Variants in FAAH2 observed in about 807,000 individuals in gnomAD.
The protein encoded by FAAH2 is fatty-acid amide hydrolase 2.
In FAAH2, 60 loss-of-function variants were observed where a neutral mutation model predicts 36.9. That is an observed-to-expected ratio of 1.63 (90% CI 1.32 to 2.02). The LOEUF (loss-of-function observed/expected upper bound fraction) is 2.02. Ranked by LOEUF, FAAH2 falls within the 30% of genes most tolerant of loss-of-function variation. The pLI, the probability that FAAH2 is intolerant of heterozygous loss-of-function variation, is 0.00. For synonymous variants in FAAH2, 214 were observed against 143.8 expected (o/e 1.49, Z -3.49); for missense variants, 689 against 397.5 (o/e 1.73, Z -6.23).
At chrX:57,171,955 T>C in the FAAH2 span, among the ~76,000 whole-genome samples, 1 of 112,181 alleles carries the variant, frequency 8.9e-6, no homozygotes, top group Admixed American at 9.4e-5. Flanking sequence ...AATCCAGTGT[T>C]ATTCTTCTGC....
At chrX:57,341,521 T>C in intron 5 of FAAH2, 131 bp downstream of exon 5, 1 of 779,638 alleles carries the variant, frequency 1.3e-6, no homozygotes, top group South Asian at 3.9e-5. Context: ...TAAATAAAAC[T>C]AGCTACTGTT....
chrX:57,300,858 A>G (rs1256601181), intron 2 of FAAH2, among the ~76,000 whole-genome samples: 1 of 112,418 alleles, frequency 8.9e-6, no homozygotes, highest in Non-Finnish European at 1.9e-5. Flanking sequence ...ACACATGAAA[A>G]AATGCTCATC....
intron 5 of FAAH2, among the ~76,000 whole-genome samples, chrX:57,366,519 G>T (rs750315304): frequency 8.9e-6 from 1 of 112,418 alleles, no homozygotes; most frequent in African/African-American, 3.2e-5. Context: ...ATGGGTGCAC[G>T]CCAGTGGGGC....
the FAAH2 span, among the ~76,000 whole-genome samples, chrX:57,164,316 C>G: frequency 8.9e-6 from 1 of 112,175 alleles, no homozygotes; most frequent in African/African-American, 3.2e-5. Context: ...AAAATTCTTT[C>G]TGCATCACCT....
intron 7 of FAAH2, among the ~76,000 whole-genome samples, chrX:57,385,074 G>T (rs2054978936): frequency 9.1e-6 from 1 of 110,076 alleles, no homozygotes; most frequent in South Asian, 4.0e-4. Flanking sequence ...GGTGGGAATT[G>T]TACAATGAGA....
In FAAH2 at chrX:57,427,422, A is replaced by G. The variant is rs777716403; in HGVS notation, c.997-4496A>G. Among the ~76,000 whole-genome samples the G allele has an allele frequency of 5.4e-5, 6 of 111,493 alleles. No homozygotes were observed. In the East Asian group the frequency reaches 1.7e-3, roughly 31 times the overall value. On this transcript the variant is annotated intron_variant, in intron 7 of 10. Transcript: ENST00000374900. Reference sequence around the variant, plus strand: ...GATGCCAGTATCACCTTATTAACAAAGCCACATATAAACATATGAAAATAG... The same window carrying G: ...GATGCCAGTATCACCTTATTAACAAGGCCACATATAAACATATGAAAATAG...
chrX:57,258,528 T>C, the FAAH2 span, among the ~76,000 whole-genome samples: 1 of 110,737 alleles, frequency 9.0e-6, no homozygotes, highest in East Asian at 2.8e-4. Flanking sequence ...TGAGATAATA[T>C]ATGTGTAAGC....
At chrX:57,390,414 G>A (rs185487709) in intron 7 of FAAH2, among the ~76,000 whole-genome samples, 4 of 111,212 alleles carry the variant, frequency 3.6e-5, no homozygotes, top group Admixed American at 1.9e-4. Flanking sequence ...TGAAGTTTGG[G>A]CTTCTAGTGT....
intron 7 of FAAH2, among the ~76,000 whole-genome samples, chrX:57,384,544 C>G (rs201979517): frequency 1.8e-5 from 2 of 111,247 alleles, no homozygotes; most frequent in Admixed American, 1.9e-4. Flanking sequence ...CAAAAGAAGA[C>G]ATTTATGCAG....
chrX:57,258,659 C>T, the FAAH2 span, among the ~76,000 whole-genome samples: 1 of 109,697 alleles, frequency 9.1e-6, no homozygotes, highest in African/African-American at 3.3e-5. Flanking sequence ...CATTCTTCCA[C>T]GGAAAACTTA....
intron 1 of FAAH2, among the ~76,000 whole-genome samples, chrX:57,288,492 G>A (rs1486695476): frequency 1.9e-5 from 2 of 107,969 alleles, no homozygotes; most frequent in African/African-American, 6.8e-5. Flanking sequence ...TGGGACTACA[G>A]GCGCCCGCCA....
intron 10 of FAAH2, chrX:57,452,280 C>A (rs1569355658): frequency 1.3e-6 from 1 of 753,333 alleles, no homozygotes; most frequent in African/African-American, 2.3e-5. Context: ...CAGCATCCAG[C>A]ATTAGAGTGA....
At chrX:57,353,494 A>AAG (rs1320226413) in intron 5 of FAAH2, among the ~76,000 whole-genome samples, 3 of 106,613 alleles carry the variant, frequency 2.8e-5, no homozygotes, top group Non-Finnish European at 3.9e-5. Flanking sequence ...TATTAAAAAA[A>AAG]AAAAAAGAAA....
In FAAH2 at chrX:57,443,624, A is replaced by T. The variant is rs149320986; in HGVS notation, c.1117-3304A>T. ...CTTCTTCTCTCAACTCATCAAAGTCATTCTCTATCCAGCTTTGTTCTGTTG... is the reference window on the plus strand; with the variant it reads ...CTTCTTCTCTCAACTCATCAAAGTCTTTCTCTATCCAGCTTTGTTCTGTTG... On this transcript the variant is annotated intron_variant, in intron 8 of 10. Coordinates refer to ENST00000374900, the MANE Select transcript of FAAH2 (RefSeq NM_174912.4). Among the ~76,000 whole-genome samples, 1,058 of 112,151 alleles carry T rather than the reference A, an allele frequency of 9.4e-3. 42 individuals are homozygous for T. The highest frequency in any genetic ancestry group is 0.083 in the Admixed American group (881 of 10,585).
At chrX:57,130,754 T>C in the FAAH2 span, among the ~76,000 whole-genome samples, 1 of 111,768 alleles carries the variant, frequency 8.9e-6, no homozygotes, top group East Asian at 2.8e-4. Flanking sequence ...TAATATGTGC[T>C]ATTACTTATT....
the FAAH2 span, among the ~76,000 whole-genome samples, chrX:57,185,678 A>G: frequency 1.8e-5 from 2 of 110,364 alleles, no homozygotes; most frequent in African/African-American, 3.3e-5. Context: ...TGCATGCATT[A>G]GGTATTTGTC....
chrX:57,178,678 G>A, the FAAH2 span, among the ~76,000 whole-genome samples: 1 of 111,994 alleles, frequency 8.9e-6, no homozygotes, highest in African/African-American at 3.2e-5. Flanking sequence ...TAATATTTCA[G>A]GAAGAAGCAC....
chrX:57,472,530 G>A lies in FAAH2; in HGVS notation c.1424-16227G>A, dbSNP rs188274878. Reference sequence around the variant, plus strand: ...GGTATTCCTACACTTTGATTTTTTGGAATAGCCTCAGTAGGATGACACCAG... The same window carrying A: ...GGTATTCCTACACTTTGATTTTTTGAAATAGCCTCAGTAGGATGACACCAG... On this transcript the variant is annotated intron_variant, in intron 10 of 10. Coordinates refer to ENST00000374900, the MANE Select transcript of FAAH2 (RefSeq NM_174912.4). Among the ~76,000 whole-genome samples the A allele has an allele frequency of 3.6e-5, 4 of 111,439 alleles. No homozygotes were observed. The East Asian group carries it at 1.1e-3, about 31-fold the overall frequency.
chrX:57,437,075 A>G (rs777282207), intron 8 of FAAH2, among the ~76,000 whole-genome samples: 3 of 111,866 alleles, frequency 2.7e-5, no homozygotes, highest in African/African-American at 9.7e-5. Context: ...GGATGGTTTA[A>G]CATATACAAA....
Sources: allele counts gnomAD v4.1 joint callset (sites outside exome capture counted in the v4.1 genomes callset), GRCh38; gene constraint gnomAD v4.1.1; transcripts MANE v1.5; gene names NCBI Gene and HGNC (gene_info 2026-07-23, HGNC 2026-07-21).